The following GRIA3 variants were observed in gnomAD, a reference collection of about 807,000 sequenced individuals.
GRIA3 encodes the protein glutamate ionotropic receptor AMPA type subunit 3.
GRIA3 carries 3 observed loss-of-function variants against 63.0 expected under a neutral mutation model. The observed-to-expected ratio is 0.05, with a 90% CI of 0.02 to 0.12. The LOEUF is 0.12. Among genes scored for constraint, GRIA3 ranks in the 10% least tolerant of loss-of-function variants. The pLI is 1.00. For missense variants in GRIA3, 347 were observed against 700.9 expected, an observed-to-expected ratio of 0.50 and a Z score of 5.70; for synonymous variants, 274 against 257.9, an observed-to-expected ratio of 1.06 and a Z score of -0.60.
intron 5 of GRIA3, among the ~76,000 whole-genome samples, chrX:123,391,496 T>C (rs1027884673): frequency 2.7e-4 from 30 of 111,339 alleles, no homozygotes; most frequent in Admixed American, 7.6e-4. Context: ...TTTCTGGGGA[T>C]GGGGACATCA....
chrX:123,415,696 G>T (rs1453486047), intron 10 of GRIA3, among the ~76,000 whole-genome samples: 1 of 111,856 alleles, frequency 8.9e-6, no homozygotes. Context: ...CTCCAAGGTA[G>T]ATTTGATCAG....
chrX:123,486,314 ACTT>A (rs771660935), intron 15 of GRIA3, among the ~76,000 whole-genome samples: 3 of 112,058 alleles, frequency 2.7e-5, no homozygotes, highest in Non-Finnish European at 5.6e-5. Flanking sequence ...ATATGCCACA[ACTT>A]CTGGCTTTCC....
intron 3 of GRIA3, among the ~76,000 whole-genome samples, chrX:123,300,730 T>C (rs1419059643): frequency 9.1e-6 from 1 of 110,088 alleles, no homozygotes; most frequent in Non-Finnish European, 1.9e-5. Context: ...TGTTTGCTTC[T>C]GGCTCATTGG....
At chrX:123,286,882 G>C (rs750478255) in intron 3 of GRIA3, among the ~76,000 whole-genome samples, 27 of 111,590 alleles carry the variant, frequency 2.4e-4, no homozygotes, top group Non-Finnish European at 4.5e-4. Flanking sequence ...CCAAACTACA[G>C]AAAAAGAGGG....
At chrX:123,390,256 T>C (rs1363299567) in intron 5 of GRIA3, among the ~76,000 whole-genome samples, 1 of 111,591 alleles carries the variant, frequency 9.0e-6, no homozygotes, top group Non-Finnish European at 1.9e-5. Flanking sequence ...TGTATTTTCA[T>C]TATGGTATAT....
chrX:123,205,687 C>T (rs767880615), intron 2 of GRIA3, among the ~76,000 whole-genome samples: 1 of 111,826 alleles, frequency 8.9e-6, no homozygotes, highest in East Asian at 2.8e-4. Context: ...GCATGGACAA[C>T]GAACTCAGTA....
chrX:123,393,161 T>C (rs2045395579), intron 5 of GRIA3, among the ~76,000 whole-genome samples: 1 of 112,722 alleles, frequency 8.9e-6, no homozygotes, highest in Non-Finnish European at 1.9e-5. Context: ...TCCAGTCTCA[T>C]TGACTCATAC....
intron 3 of GRIA3, among the ~76,000 whole-genome samples, chrX:123,303,125 G>T (rs1279058870): frequency 9.0e-6 from 1 of 111,120 alleles, no homozygotes; most frequent in Non-Finnish European, 1.9e-5. Context: ...ATATTGGGTT[G>T]CAGGATCTAG....
At position 123,204,315 on chromosome X, in the gene GRIA3, C is replaced by G. The variant is rs745997236; in HGVS notation, c.268+18325C>G. On this transcript the variant is annotated intron_variant, in intron 2 of 15. Transcript: ENST00000620443. Reference sequence around the variant, plus strand: ...TGTGGGCATCCTGCAGGGAGGCTGACAGAAAGGGAAGTTCCAAAAGGTGAC... The same window carrying G: ...TGTGGGCATCCTGCAGGGAGGCTGAGAGAAAGGGAAGTTCCAAAAGGTGAC... 4.3e-4 allele frequency: 346 copies of G among 801,111 alleles called. 1 individual carries two copies. Among genetic ancestry groups the G allele is most frequent in the Non-Finnish European group, 6.0e-4 (323 of 540,728 alleles). 66.0% of individuals were successfully genotyped at this position (801,111 alleles called of 1,213,427 possible). A position where few individuals can be genotyped will look rare whatever the true frequency, so the allele number is the denominator to read the frequency against.
At chrX:123,214,264 T>C in intron 2 of GRIA3, among the ~76,000 whole-genome samples, 1 of 111,846 alleles carries the variant, frequency 8.9e-6, no homozygotes, top group Non-Finnish European at 1.9e-5. Context: ...CATAAGCTTT[T>C]AAGGTTTTCA....
intron 12 of GRIA3, among the ~76,000 whole-genome samples, chrX:123,435,403 C>T (rs570033804): frequency 7.1e-5 from 8 of 112,238 alleles, no homozygotes; most frequent in African/African-American, 1.9e-4. Context: ...AGTATCATTA[C>T]ACCTGTTTCA....
At chrX:123,463,572 A>G (rs1392737751) in intron 12 of GRIA3, among the ~76,000 whole-genome samples, 8 of 31,462 alleles carry the variant, frequency 2.5e-4, no homozygotes, top group South Asian at 3.2e-3. Flanking sequence ...GGAAGGAAGG[A>G]AGGAAGGGAG....
intron 12 of GRIA3, among the ~76,000 whole-genome samples, chrX:123,461,760 G>T (rs2045793803): frequency 9.0e-6 from 1 of 111,311 alleles, no homozygotes; most frequent in Non-Finnish European, 1.9e-5. Context: ...AAGCAAGATA[G>T]TCTAGACAAA....
At chrX:123,307,553 T>C (rs2044762739) in intron 3 of GRIA3, among the ~76,000 whole-genome samples, 1 of 111,960 alleles carries the variant, frequency 8.9e-6, no homozygotes, top group African/African-American at 3.2e-5. Context: ...GAGACACAAC[T>C]AAGGGGAAGC....
At chrX:123,324,565 C>T (rs766713345) in intron 3 of GRIA3, among the ~76,000 whole-genome samples, 31 of 111,949 alleles carry the variant, frequency 2.8e-4, no homozygotes, top group Non-Finnish European at 4.7e-4. Flanking sequence ...CAACAACCCA[C>T]ACGAAAATGT....
intron 3 of GRIA3, among the ~76,000 whole-genome samples, chrX:123,300,076 C>T (rs970011272): frequency 1.8e-5 from 2 of 111,320 alleles, no homozygotes; most frequent in East Asian, 5.6e-4. Context: ...AGGGATAAAG[C>T]CAACTTGATC....
chrX:123,426,648 T>C (rs1336006155), intron 11 of GRIA3, among the ~76,000 whole-genome samples: 1 of 112,496 alleles, frequency 8.9e-6, no homozygotes, highest in Non-Finnish European at 1.9e-5. Flanking sequence ...TCACCTGTGA[T>C]GCTTAAGAAG....
intron 2 of GRIA3, among the ~76,000 whole-genome samples, chrX:123,249,899 C>T (rs763802972): frequency 1.8e-5 from 2 of 111,593 alleles, no homozygotes; most frequent in South Asian, 7.6e-4. Flanking sequence ...TTGTCTCATT[C>T]TTCTTGTCAT....
chrX:123,236,719 T>TA (rs918346139), intron 2 of GRIA3, among the ~76,000 whole-genome samples: 92 of 108,039 alleles, frequency 8.5e-4, no homozygotes, highest in East Asian at 1.5e-3. Context: ...GAGATAGAGC[T>TA]AAAAAAAAAG....
Sources: allele counts gnomAD v4.1 joint callset (sites outside exome capture counted in the v4.1 genomes callset), GRCh38; gene constraint gnomAD v4.1.1; transcripts MANE v1.5; gene names NCBI Gene and HGNC (gene_info 2026-07-23, HGNC 2026-07-21).